The following SLC16A12 variants were observed in gnomAD, a reference collection of about 807,000 sequenced individuals.
The protein encoded by SLC16A12 is solute carrier family 16 member 12, also known as monocarboxylate transporter 12.
Under a neutral mutation model 42.4 loss-of-function variants are expected in SLC16A12, and 17 were observed. The observed-to-expected ratio is 0.40, with a 90% confidence interval of 0.27 to 0.60. The LOEUF is 0.60. Ranked by LOEUF, SLC16A12 falls within the 20% of genes least tolerant of loss-of-function variation. The pLI is 0.42. For synonymous variants in SLC16A12, 224 were observed against 229.4 expected (o/e 0.98, Z 0.21); for missense variants, 544 against 623.0 (o/e 0.87, Z 1.35).
chr10:89,547,179 C>T (rs1375174280), intron 2 of SLC16A12, among the ~76,000 whole-genome samples: 1 of 152,162 alleles, frequency 6.6e-6, no homozygotes, highest in East Asian at 1.9e-4. Context: ...TAAAAAAATT[C>T]ATGCTGCCTA....
At chr10:89,549,192 T>C (rs1706969972) in intron 2 of SLC16A12, among the ~76,000 whole-genome samples, 2 of 152,230 alleles carry the variant, frequency 1.3e-5, no homozygotes, top group Admixed American at 1.3e-4. Context: ...TCACCTTTAT[T>C]CATTTTGATA....
intron 2 of SLC16A12, among the ~76,000 whole-genome samples, chr10:89,494,335 C>A (rs1485319241): frequency 6.6e-6 from 1 of 152,214 alleles, no homozygotes; most frequent in Non-Finnish European, 1.5e-5. Context: ...TGACCCAATG[C>A]TTCTACATTT....
chr10:89,439,903 C>T (rs667999), intron 5 of SLC16A12, among the ~76,000 whole-genome samples: 4 of 150,910 alleles, frequency 2.7e-5, no homozygotes, highest in African/African-American at 9.7e-5. Context: ...AAAACCCCAT[C>T]TCTGCAAAAA....
At chr10:89,473,814 AAC>A (rs1263782218) in intron 2 of SLC16A12, among the ~76,000 whole-genome samples, 4 of 152,132 alleles carry the variant, frequency 2.6e-5, no homozygotes, top group Non-Finnish European at 2.9e-5. Context: ...GCAAGAGGGA[AAC>A]ACACAGATAA....
intron 1 of SLC16A12, 72 bp from the exon 2 acceptor site, chr10:89,534,712 C>T (rs2133876281): frequency 6.7e-6 from 1 of 149,486 alleles, no homozygotes; most frequent in African/African-American, 2.5e-5. Flanking sequence ...ACCTTTAGTC[C>T]CAGCTACTCC....
chr10:89,447,315 T>A (rs897512292), intron 3 of SLC16A12, among the ~76,000 whole-genome samples: 5 of 152,134 alleles, frequency 3.3e-5, no homozygotes, highest in Admixed American at 1.3e-4. Context: ...TTCTTCTCAG[T>A]ACCACATCAC....
intron 2 of SLC16A12, among the ~76,000 whole-genome samples, chr10:89,492,933 T>C (rs1842867595): frequency 6.6e-6 from 1 of 152,042 alleles, no homozygotes. Flanking sequence ...ATCAGAGGCA[T>C]GACTCATTCA....
chr10:89,552,064 T>C (rs111816160), intron 2 of SLC16A12, among the ~76,000 whole-genome samples: 175 of 152,246 alleles, frequency 1.1e-3, no homozygotes, highest in African/African-American at 4.0e-3. Flanking sequence ...GCCTCCTGAG[T>C]AGCTAGGACT....
At chr10:89,542,425 C>A (rs1291925212) in intron 2 of SLC16A12, among the ~76,000 whole-genome samples, 7 of 151,308 alleles carry the variant, frequency 4.6e-5, no homozygotes, top group Non-Finnish European at 1.0e-4. Flanking sequence ...GCCTCAGCCT[C>A]CTGAGTAACT....
intron 4 of SLC16A12, 56 bp downstream of exon 4, chr10:89,443,700 G>T: frequency 8.1e-7 from 1 of 1,230,322 alleles, no homozygotes; most frequent in East Asian, 2.3e-5. Context: ...GAATGTCATT[G>T]TCATATACAG....
At chr10:89,533,892 C>T (rs1843600789) in intron 2 of SLC16A12, among the ~76,000 whole-genome samples, 1 of 151,390 alleles carries the variant, frequency 6.6e-6, no homozygotes, top group African/African-American at 2.4e-5. Flanking sequence ...TGATGCTAGT[C>T]ATATTATTTT....
At chr10:89,440,651 T>C (rs1841892234) in intron 5 of SLC16A12, among the ~76,000 whole-genome samples, 2 of 152,156 alleles carry the variant, frequency 1.3e-5, no homozygotes, top group Admixed American at 1.3e-4. Flanking sequence ...AAAGAATGTG[T>C]AATATAAGAA....
intron 2 of SLC16A12, among the ~76,000 whole-genome samples, chr10:89,554,531 G>A (rs555367244): frequency 2.5e-4 from 38 of 152,304 alleles, no homozygotes; most frequent in African/African-American, 6.7e-4. Context: ...GGTTGAACAG[G>A]TTTGTTTTTT....
At chr10:89,538,673 CA>C (rs1253300287), upstream of SLC16A12, among the ~76,000 whole-genome samples, 1 of 152,174 alleles carries the variant, frequency 6.6e-6, no homozygotes, top group East Asian at 1.9e-4. Flanking sequence ...TTGTGATAAT[CA>C]AAATGAGTTA....
At chr10:89,460,553 A>G (rs111330167) in intron 3 of SLC16A12, among the ~76,000 whole-genome samples, 32,156 of 151,548 alleles carry the variant, frequency 0.21, 3,637 homozygotes, top group African/African-American at 0.25. Context: ...GTGAAACCCC[A>G]TCTCTACTAA....
At position 89,550,643 on chromosome 10, in the gene SLC16A12, G is replaced by C. The variant is rs758637297; in HGVS notation, c.-47+5239C>G. The stretch of plus-strand genomic sequence containing the variant: ...CTCCTCTGACCATGGCCCATAATGT[G>C]TCATGGCCCCACCCCCGCCTTTCTC... On this transcript the variant is annotated intron_variant, in intron 2 of 2. Transcript: ENST00000475682. Among the ~76,000 whole-genome samples, 5 of 152,172 alleles carry C rather than the reference G, an allele frequency of 3.3e-5. No homozygotes were observed. In the South Asian group the frequency reaches 1.0e-3, roughly 32 times the overall value.
intron 2 of SLC16A12, among the ~76,000 whole-genome samples, chr10:89,492,547 T>G (rs1203628240): frequency 1.3e-5 from 2 of 152,172 alleles, no homozygotes; most frequent in Non-Finnish European, 2.9e-5. Context: ...GAGACCAGCC[T>G]GATAAACGTG....
chr10:89,465,101 A>T (rs575558524), intron 2 of SLC16A12, among the ~76,000 whole-genome samples: 1 of 152,200 alleles, frequency 6.6e-6, no homozygotes, highest in Non-Finnish European at 1.5e-5. Context: ...TAGAGCTGCT[A>T]TTTACAAAAC....
At chr10:89,468,853 G>A (rs190342301) in intron 2 of SLC16A12, among the ~76,000 whole-genome samples, 333 of 152,240 alleles carry the variant, frequency 2.2e-3, no homozygotes, top group East Asian at 4.6e-3. Context: ...ATTGCAGCCG[G>A]GCACAATGAC....
Sources: gnomAD v4.1 joint callset for allele counts (sites outside exome capture counted in the v4.1 genomes callset) on GRCh38, gnomAD v4.1.1 for gene constraint, MANE v1.5 for transcripts, NCBI Gene and HGNC (gene_info 2026-07-23, HGNC 2026-07-21) for gene names.